The following RBMS1 variants were observed in gnomAD, a reference collection of about 807,000 sequenced individuals.
RBMS1 encodes the protein RNA binding motif single stranded interacting protein 1.
A neutral mutation model predicts 62.3 loss-of-function variants in RBMS1; 17 were observed. That is an observed-to-expected ratio of 0.27 (90% CI 0.19 to 0.41). RBMS1 has a LOEUF of 0.41. Ranked by LOEUF, RBMS1 falls within the 10% of genes least tolerant of loss-of-function variation. The pLI, the probability that RBMS1 is intolerant of heterozygous loss-of-function variation, is 1.00. For missense variants in RBMS1, 334 were observed against 504.5 expected (o/e 0.66, Z 3.24); for synonymous variants, 172 against 170.0 (o/e 1.01, Z -0.09).
At chr2:160,369,543 C>A (rs1418672626) in intron 1 of RBMS1, among the ~76,000 whole-genome samples, 1 of 152,208 alleles carries the variant, frequency 6.6e-6, no homozygotes, top group Non-Finnish European at 1.5e-5. Flanking sequence ...TGAATTTTCT[C>A]TTAAACCTCC....
intron 1 of RBMS1, among the ~76,000 whole-genome samples, chr2:160,419,547 C>G (rs1183943119): frequency 1.3e-5 from 2 of 152,158 alleles, no homozygotes; most frequent in Non-Finnish European, 2.9e-5. Context: ...TAAGAATGGA[C>G]AAAGTGCTGA....
intron 1 of RBMS1, among the ~76,000 whole-genome samples, chr2:160,401,543 C>T (rs979175422): frequency 1.3e-5 from 2 of 152,114 alleles, no homozygotes; most frequent in African/African-American, 2.4e-5. Flanking sequence ...TGTACAGATG[C>T]GAGTTTAAAA....
intron 1 of RBMS1, among the ~76,000 whole-genome samples, chr2:160,467,320 T>C (rs1684737720): frequency 6.6e-6 from 1 of 152,068 alleles, no homozygotes; most frequent in Non-Finnish European, 1.5e-5. Context: ...AGAAAGTTCA[T>C]TTAGTGAGAG....
intron 1 of RBMS1, among the ~76,000 whole-genome samples, chr2:160,426,643 A>G (rs910792769): frequency 2.6e-5 from 4 of 152,208 alleles, no homozygotes; most frequent in African/African-American, 9.7e-5. Context: ...TTTCAAGTGT[A>G]TACCTTTTAA....
At chr2:160,370,558 G>A (rs1001891807) in intron 1 of RBMS1, among the ~76,000 whole-genome samples, 3 of 152,176 alleles carry the variant, frequency 2.0e-5, no homozygotes, top group Admixed American at 6.5e-5. Context: ...CTCCCATTGT[G>A]CAGATTAGGA....
chr2:160,484,027 C>T (rs937121160), intron 1 of RBMS1, among the ~76,000 whole-genome samples: 3 of 142,112 alleles, frequency 2.1e-5, no homozygotes, highest in African/African-American at 5.2e-5. Flanking sequence ...TTTTAAGAGA[C>T]GGTGTCTCAC....
rs745754549 is a variant in RBMS1, at chr2:160,284,762, TA to T, written c.900+12del. ...AAGTGGTTATACTGCTGACGAATCC[TA>T]AAGGTACAAACCTGGTAGGCAGATA... is the stretch of plus-strand genomic sequence containing the variant. On this transcript the variant is annotated intron_variant, in intron 9 of 13. Transcript: ENST00000348849. 1.3e-6 allele frequency: 2 copies of T among 1,555,782 alleles called. No individual in the cohort carries two copies. Among genetic ancestry groups the T allele is most frequent in the Admixed American group, 3.3e-5 (2 of 59,938 alleles).
intron 12 of RBMS1, chr2:160,276,654 AACAG>A (rs1687849396): frequency 6.6e-6 from 1 of 152,244 alleles, no homozygotes; most frequent in African/African-American, 2.4e-5. Context: ...CCTCTGTAAA[AACAG>A]CTATAGCTTC....
intron 1 of RBMS1, among the ~76,000 whole-genome samples, chr2:160,451,028 T>C (rs1000126140): frequency 6.6e-6 from 1 of 152,222 alleles, no homozygotes; most frequent in East Asian, 1.9e-4. Context: ...TAGTGCTGCA[T>C]GCCTGTTGTC....
At chr2:160,278,837 C>T in intron 10 of RBMS1, 179 bp from the exon 11 acceptor site, 1 of 545,834 alleles carries the variant, frequency 1.8e-6, no homozygotes, top group Non-Finnish European at 3.2e-6. Flanking sequence ...AATTGCTCTT[C>T]CTGAGAGTTT....
At position 160,400,995 on chromosome 2, in the gene RBMS1, G is replaced by GT. The variant is rs1417326844; in HGVS notation, c.76-33605dup. 5.3e-5 allele frequency among the ~76,000 whole-genome samples: 8 copies of GT among 152,052 alleles called. No homozygotes were observed. The Middle Eastern group carries it at 0.014, about 259-fold the overall frequency. ...AATTTTCTAGGTTTCGTTTTGTTTT[G>GT]TTTTTTCACTGTCTTTTTCTTGATA... On this transcript the variant is annotated intron_variant, in intron 1 of 13. Transcript: ENST00000348849.
Position 160,303,404 on chromosome 2 carries a change from T to C in RBMS1, c.486A>G (p.Lys162=). 1.9e-6 allele frequency: 3 copies of C among 1,613,616 alleles called. No individual in the cohort carries two copies. Among genetic ancestry groups the C allele is most frequent in the Non-Finnish European group, 2.5e-6 (3 of 1,179,672 alleles). Residue 162 remains lysine, a synonymous_variant, in exon 5 of 14, where the codon AAA becomes AAG. Transcript: ENST00000348849. Reference sequence around the variant, plus strand: ...TTGTAGAAATAACTTGTCCAAATGGTTTGAGCATATTTTCTAGTTCTTGCT... The same window carrying C: ...TTGTAGAAATAACTTGTCCAAATGGCTTGAGCATATTTTCTAGTTCTTGCT... The part of the protein sequence containing the change: ...MDEQELENML[K]PFGQVISTRI...
chr2:160,433,752 C>T (rs1308071878), intron 1 of RBMS1, among the ~76,000 whole-genome samples: 8 of 152,212 alleles, frequency 5.3e-5, no homozygotes, highest in African/African-American at 1.9e-4. Context: ...CATATCATGT[C>T]TTCACAGTGC....
At chr2:160,442,038 T>C (rs1347140623) in intron 1 of RBMS1, among the ~76,000 whole-genome samples, 1 of 152,238 alleles carries the variant, frequency 6.6e-6, no homozygotes, top group African/African-American at 2.4e-5. Context: ...CTTTATGTAT[T>C]CCAGATCCAA....
chr2:160,468,929 T>C (rs1052573336), intron 1 of RBMS1, among the ~76,000 whole-genome samples: 2 of 152,186 alleles, frequency 1.3e-5, no homozygotes, highest in Admixed American at 6.5e-5. Flanking sequence ...GTTAGAATTA[T>C]TATATATACA....
At chr2:160,424,921 G>A (rs1371363749) in intron 1 of RBMS1, among the ~76,000 whole-genome samples, 1 of 151,666 alleles carries the variant, frequency 6.6e-6, no homozygotes, top group Non-Finnish European at 1.5e-5. Flanking sequence ...AAAAAAGACT[G>A]CCTTAAAAAT....
chr2:160,426,286 AAAGAAAAGAAAGAAG>A (rs1559537383), intron 1 of RBMS1, among the ~76,000 whole-genome samples: 12 of 103,630 alleles, frequency 1.2e-4, no homozygotes, highest in African/African-American at 4.5e-4. Context: ...AGAAAGAAAG[AAAGAAAAGAAAGAAG>A]GAAGGAAGGA....
intron 1 of RBMS1, chr2:160,432,471 T>TTCCAAAC (rs1682939971): frequency 6.6e-6 from 1 of 152,194 alleles, no homozygotes. Flanking sequence ...CCCGAATGCC[T>TTCCAAAC]TCCAAACTCC....
intron 2 of RBMS1, among the ~76,000 whole-genome samples, chr2:160,331,207 T>G (rs1691248787): frequency 6.6e-6 from 1 of 152,116 alleles, no homozygotes; most frequent in Non-Finnish European, 1.5e-5. Flanking sequence ...GTTACAGCAG[T>G]CTTAACAAAT....
Sources: gnomAD v4.1 joint callset for allele counts (sites outside exome capture counted in the v4.1 genomes callset) on GRCh38, gnomAD v4.1.1 for gene constraint, MANE v1.5 for transcripts, NCBI Gene and HGNC (gene_info 2026-07-23, HGNC 2026-07-21) for gene names.